VDR: variants seen among roughly 807,000 people sequenced by gnomAD.
VDR encodes the protein vitamin D3 receptor.
Under a neutral mutation model 39.7 loss-of-function variants are expected in VDR, and 19 were observed. The ratio of observed to expected loss-of-function variants is 0.48; its 90% CI spans 0.33 to 0.70. The LOEUF (loss-of-function observed/expected upper bound fraction) is 0.70. VDR is among the 30% of genes least tolerant of loss of function. The probability of loss-of-function intolerance (pLI) is 0.02; values close to 1 mark genes in which losing one functional copy is unlikely to be tolerated. For missense variants in VDR, 442 were observed against 570.5 expected (o/e 0.77, Z 2.29); for synonymous variants, 242 against 215.8 (o/e 1.12, Z -1.07).
At position 47,871,286 on chromosome 12, in the gene VDR, CTCTTTCTCTT is replaced by C. The variant is rs778258748; in HGVS notation, c.147-6119_147-6110del. On this transcript the variant is annotated intron_variant, in intron 3 of 9. Transcript: ENST00000549336. ...TGGTTTCTTTCTTTTCTCTTTCTTT[CTCTTTCTCTT>C]TCTTTCTTTCTTTCTTTCTTTCTTT... Among the ~76,000 whole-genome samples, 282 of 134,152 alleles carry C rather than the reference CTCTTTCTCTT, an allele frequency of 2.1e-3. 2 individuals are homozygous for C. The highest frequency in any genetic ancestry group is 3.5e-3 in the Non-Finnish European group (216 of 61,076). The allele number at this position is 134,152 out of a possible 152,430, so 88.0% of individuals were successfully genotyped here. A position where few individuals can be genotyped will look rare whatever the true frequency, so the allele number is the denominator to read the frequency against.
chr12:47,882,623 G>GA, intron 2 of VDR, 71 bp downstream of exon 2: 3 of 543,282 alleles, frequency 5.5e-6, no homozygotes, highest in South Asian at 1.8e-5. Flanking sequence ...ACCTTCTTAT[G>GA]CCCCTCCCCC....
chr12:47,849,778 AAAC>A (rs771923106), intron 7 of VDR, among the ~76,000 whole-genome samples: 4 of 152,238 alleles, frequency 2.6e-5, no homozygotes, highest in South Asian at 2.1e-4. Flanking sequence ...AAAAATGTAA[AAAC>A]AAATTAAATT....
Position 47,871,292 on chromosome 12 carries a change from C to CTCTCTCTT in VDR, c.147-6116_147-6115insAAGAGAGA, listed in dbSNP as rs1555153492. Among the ~76,000 whole-genome samples, 123 of 79,874 alleles carry CTCTCTCTT rather than the reference C, an allele frequency of 1.5e-3. 1 individual carries two copies. The highest frequency in any genetic ancestry group is 5.0e-3 in the African/African-American group (108 of 21,694). The allele number at this position is 79,874 out of a possible 152,430, so 52.4% of individuals were successfully genotyped here. On this transcript the variant is annotated intron_variant, in intron 3 of 9. Coordinates refer to ENST00000549336, the MANE Select transcript of VDR (RefSeq NM_000376.3). ...CTTTCTTTTCTCTTTCTTTCTCTTT[C>CTCTCTCTT]TCTTTCTTTCTTTCTTTCTTTCTTT...
chr12:47,853,709 C>T (rs375105346), intron 7 of VDR, among the ~76,000 whole-genome samples: 5 of 152,176 alleles, frequency 3.3e-5, no homozygotes, highest in East Asian at 1.9e-4. Context: ...AAGTTGAGAT[C>T]GCGTCATTGT....
chr12:47,857,090 C>A, intron 6 of VDR, 39 bp downstream of exon 6: 2 of 1,613,128 alleles, frequency 1.2e-6, no homozygotes, highest in South Asian at 2.2e-5. Context: ...CTCCTCGCCC[C>A]CGCTCCCTTA....
chr12:47,867,940 T>A (rs912725160), intron 3 of VDR, among the ~76,000 whole-genome samples: 4 of 152,152 alleles, frequency 2.6e-5, no homozygotes, highest in Non-Finnish European at 5.9e-5. Flanking sequence ...GCCCCTGGGA[T>A]AGAGAAGAGA....
Position 47,846,419 on chromosome 12 carries a change from TGAG to T in VDR, c.937_939del (p.Leu313del). 1 of 1,572,990 alleles carries T rather than the reference TGAG, an allele frequency of 6.4e-7. No homozygotes were observed. The highest frequency in any genetic ancestry group is 1.2e-5 in the South Asian group (1 of 85,748). On this transcript the variant is annotated inframe_deletion, in exon 9 of 10. Coordinates refer to ENST00000549336, the MANE Select transcript of VDR (RefSeq NM_000376.3). The stretch of plus-strand genomic sequence containing the variant: ...TTCTTCAGTCCCACCTGGAACTTGA[TGAG>T]GGGCTCAATCAGCTCCAGGCTGTGT...
chr12:47,886,761 G>A (rs1946263635), intron 1 of VDR, among the ~76,000 whole-genome samples: 1 of 152,174 alleles, frequency 6.6e-6, no homozygotes, highest in African/African-American at 2.4e-5. Flanking sequence ...TGATATTCTA[G>A]CCAAACAGTT....
chr12:47,895,956 C>A (rs1373662734), intron 1 of VDR, among the ~76,000 whole-genome samples: 1 of 152,250 alleles, frequency 6.6e-6, no homozygotes, highest in Non-Finnish European at 1.5e-5. Context: ...GCCCTGGCCC[C>A]CTGACCAGCA....
chr12:47,874,989 C>G (rs1197182574), intron 3 of VDR, among the ~76,000 whole-genome samples: 1 of 152,164 alleles, frequency 6.6e-6, no homozygotes, highest in Non-Finnish European at 1.5e-5. Context: ...CCTGTGCCAA[C>G]CTTATATTCA....
At chr12:47,882,276 T>A (rs1440682691) in intron 2 of VDR, among the ~76,000 whole-genome samples, 1 of 152,128 alleles carries the variant, frequency 6.6e-6, no homozygotes, top group East Asian at 1.9e-4. Flanking sequence ...TGCTTGAGGT[T>A]ATTTGCTGCT....
At chr12:47,875,567 A>G (rs1382747850) in intron 3 of VDR, among the ~76,000 whole-genome samples, 3 of 152,244 alleles carry the variant, frequency 2.0e-5, no homozygotes, top group Admixed American at 6.5e-5. Context: ...GAAAACTTCC[A>G]AATAAAATTT....
chr12:47,884,143 G>A (rs888686961), intron 1 of VDR, among the ~76,000 whole-genome samples: 10 of 152,170 alleles, frequency 6.6e-5, no homozygotes, highest in African/African-American at 2.4e-4. Flanking sequence ...GGAAGGTGAG[G>A]TGGGGACCGG....
chr12:47,868,857 A>G (rs1414467959), intron 3 of VDR, among the ~76,000 whole-genome samples: 3 of 151,688 alleles, frequency 2.0e-5, no homozygotes, highest in Admixed American at 6.6e-5. Flanking sequence ...TGTCTGGCTC[A>G]GAGCTCTTCC....
intron 6 of VDR, among the ~76,000 whole-genome samples, chr12:47,856,637 AAAG>A (rs1945495035): frequency 6.6e-6 from 1 of 151,220 alleles, no homozygotes; most frequent in African/African-American, 2.4e-5. Flanking sequence ...AAAAAAAAAA[AAAG>A]AAAGGAAGGA....
At chr12:47,881,296 C>T (rs1946146090) in intron 2 of VDR, among the ~76,000 whole-genome samples, 1 of 152,006 alleles carries the variant, frequency 6.6e-6, no homozygotes, top group Admixed American at 6.6e-5. Flanking sequence ...AACTAAACAT[C>T]ATGTACATAT....
rs2853562 is a variant in VDR, at chr12:47,842,603, T to A, written c.*2143A>T. On this transcript the variant is annotated 3_prime_UTR_variant, in exon 10 of 10. Coordinates refer to ENST00000549336, the MANE Select transcript of VDR (RefSeq NM_000376.3). ...CTCCTGAGTAGCTGGGATTACAGGC[T>A]TGCGCCACCATGCCCGGCTATTTTT... 0.57 allele frequency: 84,930 copies of A among 150,200 alleles called. 24,755 individuals are homozygous for A. Among genetic ancestry groups the A allele is most frequent in the African/African-American group, 0.69 (28,183 of 40,572 alleles). 9.3% of individuals were successfully genotyped at this position (150,200 alleles called of 1,614,324 possible).
chr12:47,847,849 C>T (rs1945308309), intron 7 of VDR, among the ~76,000 whole-genome samples: 1 of 152,184 alleles, frequency 6.6e-6, no homozygotes, highest in South Asian at 2.1e-4. Flanking sequence ...CTCAAGCAGT[C>T]CTCCTGCCTC....
chr12:47,894,149 G>A (rs986329465), intron 1 of VDR, among the ~76,000 whole-genome samples: 5 of 152,218 alleles, frequency 3.3e-5, no homozygotes, highest in African/African-American at 1.2e-4. Flanking sequence ...TAAACCACAG[G>A]GTACTTTCCA....
Sources: allele counts gnomAD v4.1 joint callset (sites outside exome capture counted in the v4.1 genomes callset), GRCh38; gene constraint gnomAD v4.1.1; transcripts MANE v1.5; gene names NCBI Gene and HGNC (gene_info 2026-07-23, HGNC 2026-07-21).